The following FHIT variants were observed in gnomAD, a reference collection of about 807,000 sequenced individuals.
FHIT encodes the protein fragile histidine triad diadenosine triphosphatase, also known as bis(5'-adenosyl)-triphosphatase.
FHIT carries 19 observed loss-of-function variants against 17.9 expected under a neutral mutation model. The ratio of observed to expected loss-of-function variants is 1.06; its 90% confidence interval spans 0.74 to 1.56. FHIT has a LOEUF of 1.56. Among genes scored for constraint, FHIT ranks in the 40% most tolerant of loss-of-function variants. The pLI, the probability that FHIT is intolerant of heterozygous loss-of-function variation, is 0.00. For missense variants in FHIT, 248 were observed against 189.2 expected (o/e 1.31, Z -1.82); for synonymous variants, 81 against 69.7 (o/e 1.16, Z -0.81).
chr3:60,666,931 T>G (rs1379756031), intron 4 of FHIT, among the ~76,000 whole-genome samples: 41 of 147,344 alleles, frequency 2.8e-4, no homozygotes, highest in African/African-American at 9.5e-4. Flanking sequence ...CAAGGCTCAC[T>G]GCAACCTCTG....
chr3:60,721,058 T>G (rs538999198), intron 4 of FHIT, among the ~76,000 whole-genome samples: 1 of 152,278 alleles, frequency 6.6e-6, no homozygotes, highest in East Asian at 1.9e-4. Flanking sequence ...AGGATTCCAT[T>G]ATAAATCTGT....
Position 60,628,602 on chromosome 3 carries a change from G to A in FHIT, c.-17-91623C>T, listed in dbSNP as rs188178197. Among the ~76,000 whole-genome samples the A allele has an allele frequency of 2.1e-4, 32 of 152,206 alleles. No individual in the cohort carries two copies. The East Asian group carries it at 3.9e-3, about 18-fold the overall frequency. On this transcript the variant is annotated intron_variant, in intron 4 of 9. Coordinates refer to ENST00000492590, the MANE Select transcript of FHIT (RefSeq NM_002012.4). ...AGTTAGATCTTCAGGCCAATTTTTC[G>A]TTACTCCAGGAGGGCTCTCTTACCT...
chr3:60,530,821 T>C (rs141574245), intron 5 of FHIT, among the ~76,000 whole-genome samples: 1 of 152,360 alleles, frequency 6.6e-6, no homozygotes, highest in African/African-American at 2.4e-5. Context: ...TGGTCAACTT[T>C]GAATGATGAC....
intron 5 of FHIT, among the ~76,000 whole-genome samples, chr3:60,350,291 C>A (rs1711022178): frequency 6.6e-6 from 1 of 152,220 alleles, no homozygotes; most frequent in Non-Finnish European, 1.5e-5. Context: ...TACTTGGCTT[C>A]TGAGTAGTGG....
At chr3:60,596,116 T>C in intron 4 of FHIT, 2 of 362,598 alleles carry the variant, frequency 5.5e-6, no homozygotes, top group Non-Finnish European at 7.7e-6. Flanking sequence ...AAAGTATACT[T>C]ACCCATTATG....
intron 8 of FHIT, among the ~76,000 whole-genome samples, chr3:59,879,759 C>T (rs574397418): frequency 6.6e-6 from 1 of 152,300 alleles, no homozygotes; most frequent in African/African-American, 2.4e-5. Context: ...GGTCCACAAA[C>T]AGCTAAATAG....
intron 8 of FHIT, among the ~76,000 whole-genome samples, chr3:59,891,020 G>A (rs1703832149): frequency 6.6e-6 from 1 of 152,146 alleles, no homozygotes; most frequent in Admixed American, 6.5e-5. Flanking sequence ...AATTACACAA[G>A]CATGCACTCA....
intron 4 of FHIT, among the ~76,000 whole-genome samples, chr3:60,586,172 A>G (rs73093554): frequency 0.021 from 3,237 of 152,030 alleles, 61 homozygotes; most frequent in Non-Finnish European, 0.033. Flanking sequence ...CTGCAGTAAA[A>G]TGAGCAATAG....
intron 4 of FHIT, among the ~76,000 whole-genome samples, chr3:60,808,740 T>C (rs1701478258): frequency 6.6e-6 from 1 of 152,188 alleles, no homozygotes; most frequent in Admixed American, 6.5e-5. Flanking sequence ...GACATCCTTA[T>C]CATATTGGCT....
chr3:60,395,976 C>T (rs2107171949), intron 5 of FHIT, among the ~76,000 whole-genome samples: 1 of 152,246 alleles, frequency 6.6e-6, no homozygotes, highest in Non-Finnish European at 1.5e-5. Flanking sequence ...GTCAACTCCA[C>T]AACAATGGCT....
At chr3:61,128,843 C>CCT (rs2036685378) in intron 2 of FHIT, among the ~76,000 whole-genome samples, 1 of 151,326 alleles carries the variant, frequency 6.6e-6, no homozygotes, top group African/African-American at 2.4e-5. Flanking sequence ...TGTTTTTCTT[C>CCT]CTCTCCAATG....
intron 5 of FHIT, among the ~76,000 whole-genome samples, chr3:60,066,500 G>C (rs1018727323): frequency 6.6e-6 from 1 of 152,102 alleles, no homozygotes; most frequent in Admixed American, 6.6e-5. Context: ...AAGATGGAGA[G>C]TTAGACTGTT....
chr3:60,039,622 T>G (rs1358270194), intron 5 of FHIT, among the ~76,000 whole-genome samples: 1 of 152,214 alleles, frequency 6.6e-6, no homozygotes, highest in Non-Finnish European at 1.5e-5. Flanking sequence ...TTTCAATTTC[T>G]CTTATTTTTC....
At chr3:61,021,820 A>G (rs906608432) in intron 3 of FHIT, among the ~76,000 whole-genome samples, 1 of 152,184 alleles carries the variant, frequency 6.6e-6, no homozygotes, top group African/African-American at 2.4e-5. Flanking sequence ...ACAATGTACC[A>G]GAATCTCTGG....
chr3:61,227,478 T>C (rs1291719088), intron 1 of FHIT, among the ~76,000 whole-genome samples: 2 of 152,130 alleles, frequency 1.3e-5, no homozygotes, highest in African/African-American at 2.4e-5. Context: ...AAATATGTTT[T>C]GACAGCAGTG....
chr3:59,943,621 G>A (rs1706647440), intron 7 of FHIT, among the ~76,000 whole-genome samples: 1 of 152,104 alleles, frequency 6.6e-6, no homozygotes, highest in Non-Finnish European at 1.5e-5. Context: ...TGTCCTATGA[G>A]GCCCTGGCAT....
chr3:59,845,341 A>C (rs1016360348), intron 8 of FHIT, among the ~76,000 whole-genome samples: 1 of 151,734 alleles, frequency 6.6e-6, no homozygotes, highest in Non-Finnish European at 1.5e-5. Context: ...CTTTGGGGTT[A>C]GTGCGTTATT....
chr3:60,147,087 A>C (rs984172664), intron 5 of FHIT, among the ~76,000 whole-genome samples: 4 of 152,166 alleles, frequency 2.6e-5, no homozygotes, highest in Non-Finnish European at 4.4e-5. Flanking sequence ...GCTTGCAACT[A>C]AATTGGATTT....
At chr3:59,885,191 T>C (rs952286572) in intron 8 of FHIT, among the ~76,000 whole-genome samples, 3 of 152,220 alleles carry the variant, frequency 2.0e-5, no homozygotes, top group Non-Finnish European at 4.4e-5. Flanking sequence ...GTCCATTTTC[T>C]ATATATGTTC....
Sources: gnomAD v4.1 joint callset for allele counts (sites outside exome capture counted in the v4.1 genomes callset) on GRCh38, gnomAD v4.1.1 for gene constraint, MANE v1.5 for transcripts, NCBI Gene and HGNC (gene_info 2026-07-23, HGNC 2026-07-21) for gene names.